The following ATXN7L1 variants were observed in gnomAD, a reference collection of about 807,000 sequenced individuals.
ATXN7L1 encodes ataxin-7-like protein 1.
Under a neutral mutation model 70.8 loss-of-function variants are expected in ATXN7L1, and 15 were observed. That is an observed-to-expected ratio of 0.21 (90% CI 0.14 to 0.33). ATXN7L1 has a LOEUF of 0.33. ATXN7L1 is among the 10% of genes least tolerant of loss of function. The pLI, the probability that ATXN7L1 is intolerant of heterozygous loss-of-function variation, is 1.00. For synonymous variants in ATXN7L1, 440 were observed against 445.1 expected, an observed-to-expected ratio of 0.99 and a Z score of 0.14; for missense variants, 975 against 1,097.1, an observed-to-expected ratio of 0.89 and a Z score of 1.57.
rs1299589814 is a variant in ATXN7L1 at position 105,607,707 on chromosome 7, AAAG to A, written c.*142_*144del. On this transcript the variant is annotated 3_prime_UTR_variant, in exon 12 of 12. Coordinates refer to ENST00000419735, the MANE Select transcript of ATXN7L1 (RefSeq NM_020725.2). ...TTAACTAAAAATTGGTCAATTAAAA[AAAG>A]AAGAAGAAAGGCCAGAGTCACAGGG... is the stretch of plus-strand genomic sequence containing the variant. 3.2e-6 allele frequency: 2 copies of A among 622,476 alleles called. No homozygotes were observed. The highest frequency in any genetic ancestry group is 5.4e-6 in the Non-Finnish European group (2 of 368,236). 38.6% of individuals were successfully genotyped at this position (622,476 alleles called of 1,614,324 possible).
At chr7:105,670,976 G>A (rs757885984) in intron 3 of ATXN7L1, among the ~76,000 whole-genome samples, 1 of 152,030 alleles carries the variant, frequency 6.6e-6, no homozygotes, top group African/African-American at 2.4e-5. Flanking sequence ...CGAGGTGGCG[G>A]GCGCCTGTTA....
chr7:105,798,630 A>T (rs1041093097), intron 2 of ATXN7L1, among the ~76,000 whole-genome samples: 1 of 152,170 alleles, frequency 6.6e-6, no homozygotes. Flanking sequence ...TCCCCACCCT[A>T]TCATTCACAG....
intron 3 of ATXN7L1, among the ~76,000 whole-genome samples, chr7:105,779,425 C>T (rs1803221559): frequency 6.6e-6 from 1 of 152,186 alleles, no homozygotes; most frequent in Admixed American, 6.5e-5. Flanking sequence ...TTAATTTGAG[C>T]AGTAGCAAGT....
chr7:105,738,337 C>T (rs767411347), intron 3 of ATXN7L1, among the ~76,000 whole-genome samples: 1 of 152,166 alleles, frequency 6.6e-6, no homozygotes, highest in Admixed American at 6.5e-5. Context: ...CTGCCTTTGC[C>T]CATGTTGCTC....
Position 105,822,387 on chromosome 7 carries a change from C to T in ATXN7L1, c.251-33679G>A, listed in dbSNP as rs565385743. 6.6e-5 allele frequency among the ~76,000 whole-genome samples: 10 copies of T among 152,324 alleles called. 1 individual carries two copies. Among genetic ancestry groups the T allele is most frequent in the Middle Eastern group, 3.4e-3 (1 of 294 alleles). On this transcript the variant is annotated intron_variant, in intron 2 of 11. Coordinates refer to ENST00000419735, the MANE Select transcript of ATXN7L1 (RefSeq NM_020725.2). Reference sequence around the variant, plus strand: ...GTACTGACTAGCTGCAGAATTTGGGCTTGAGTTGCTTTGTGGTTTTGTCTC... The same window carrying T: ...GTACTGACTAGCTGCAGAATTTGGGTTTGAGTTGCTTTGTGGTTTTGTCTC...
At chr7:105,841,400 A>G (rs1813190365) in intron 2 of ATXN7L1, among the ~76,000 whole-genome samples, 1 of 152,242 alleles carries the variant, frequency 6.6e-6, no homozygotes, top group Non-Finnish European at 1.5e-5. Context: ...TTTTAGTTAC[A>G]TGCAGCCAAT....
At chr7:105,756,757 C>G (rs1216403635) in intron 3 of ATXN7L1, among the ~76,000 whole-genome samples, 2 of 152,086 alleles carry the variant, frequency 1.3e-5, no homozygotes, top group Non-Finnish European at 2.9e-5. Flanking sequence ...TTAGTATTTT[C>G]AAGGCTTGAT....
At chr7:105,812,515 C>A (rs1450864944) in intron 2 of ATXN7L1, among the ~76,000 whole-genome samples, 1 of 152,176 alleles carries the variant, frequency 6.6e-6, no homozygotes, top group African/African-American at 2.4e-5. Flanking sequence ...TCTCCACAAA[C>A]TTTACTGAGC....
chr7:105,761,139 G>C, intron 3 of ATXN7L1: 1 of 1,213,332 alleles, frequency 8.2e-7, no homozygotes, highest in Non-Finnish European at 1.0e-6. Flanking sequence ...TGGCAGCTTA[G>C]ACCAGCTTTG....
At chr7:105,611,009 T>C (rs1044297364) in intron 10 of ATXN7L1, among the ~76,000 whole-genome samples, 1 of 152,250 alleles carries the variant, frequency 6.6e-6, no homozygotes, top group Non-Finnish European at 1.5e-5. Flanking sequence ...CAAACCCATC[T>C]TGTTTCCAGC....
intron 2 of ATXN7L1, among the ~76,000 whole-genome samples, chr7:105,870,091 T>C (rs1818028788): frequency 6.6e-6 from 1 of 151,884 alleles, no homozygotes; most frequent in Non-Finnish European, 1.5e-5. Context: ...ACCATACTGG[T>C]TAACACGGTG....
At chr7:105,854,924 G>T (rs567476554) in intron 2 of ATXN7L1, among the ~76,000 whole-genome samples, 1 of 151,092 alleles carries the variant, frequency 6.6e-6, no homozygotes, top group African/African-American at 2.4e-5. Context: ...TATGCTTTGA[G>T]TATGGGTTGG....
intron 3 of ATXN7L1, among the ~76,000 whole-genome samples, chr7:105,729,277 A>G (rs909219626): frequency 1.4e-5 from 2 of 139,002 alleles, no homozygotes; most frequent in African/African-American, 2.8e-5. Context: ...TATCAATAAT[A>G]AATGAATGAA....
At chr7:105,635,134 CAGAG>C (rs1457732400) in intron 7 of ATXN7L1, among the ~76,000 whole-genome samples, 1 of 152,198 alleles carries the variant, frequency 6.6e-6, no homozygotes, top group Non-Finnish European at 1.5e-5. Context: ...ATCTATGAGA[CAGAG>C]GGGACTGTGC....
intron 2 of ATXN7L1, among the ~76,000 whole-genome samples, chr7:105,874,241 G>C (rs1176418735): frequency 6.6e-6 from 1 of 152,018 alleles, no homozygotes; most frequent in African/African-American, 2.4e-5. Context: ...GTGTGTGATA[G>C]TCATAACGCA....
intron 3 of ATXN7L1, among the ~76,000 whole-genome samples, chr7:105,743,411 C>T (rs1039285505): frequency 1.4e-4 from 21 of 152,170 alleles, no homozygotes; most frequent in Admixed American, 9.2e-4. Context: ...GGGAGGCTGC[C>T]GGCTGGCTCA....
At chr7:105,770,727 A>C (rs1239476147) in intron 3 of ATXN7L1, among the ~76,000 whole-genome samples, 3 of 152,188 alleles carry the variant, frequency 2.0e-5, no homozygotes, top group Non-Finnish European at 4.4e-5. Context: ...AATTAAAATA[A>C]TCCTGAACCC....
intron 3 of ATXN7L1, among the ~76,000 whole-genome samples, chr7:105,767,818 G>A (rs560328574): frequency 1.3e-5 from 2 of 152,274 alleles, no homozygotes; most frequent in East Asian, 1.9e-4. Context: ...TTGAAACCCA[G>A]CAGCTGCAGC....
chr7:105,662,083 T>C (rs846939), intron 4 of ATXN7L1, among the ~76,000 whole-genome samples: 937 of 67,228 alleles, frequency 0.014, 4 homozygotes, highest in African/African-American at 0.019. Context: ...TCCTTCCTTC[T>C]TTCTTTTCTT....
Sources: gnomAD v4.1 joint callset for allele counts (sites outside exome capture counted in the v4.1 genomes callset) on GRCh38, gnomAD v4.1.1 for gene constraint, MANE v1.5 for transcripts, NCBI Gene and HGNC (gene_info 2026-07-23, HGNC 2026-07-21) for gene names.